ZNF429: variants seen among roughly 807,000 people sequenced by gnomAD.
ZNF429 encodes zinc finger protein 429.
ZNF429 carries 53 observed loss-of-function variants against 56.8 expected under a neutral mutation model. That is an observed-to-expected ratio of 0.93 (90% confidence interval 0.75 to 1.17). The LOEUF is 1.17. Among genes scored for constraint, ZNF429 ranks in the 50% most tolerant of loss-of-function variants. The probability of loss-of-function intolerance (pLI) is 0.00; values close to 1 mark genes in which losing one functional copy is unlikely to be tolerated. For synonymous variants in ZNF429, 278 were observed against 264.7 expected, an observed-to-expected ratio of 1.05 and a Z score of -0.49; for missense variants, 849 against 788.4, an observed-to-expected ratio of 1.08 and a Z score of -0.92.
intron 3 of ZNF429, among the ~76,000 whole-genome samples, chr19:21,535,360 T>TTC: frequency 6.0e-5 from 4 of 66,260 alleles, no homozygotes; most frequent in South Asian, 7.4e-4. Flanking sequence ...TTTCTTTTCT[T>TTC]CTTTCTTTCT....
intron 3 of ZNF429, among the ~76,000 whole-genome samples, chr19:21,532,384 G>A: frequency 6.6e-6 from 1 of 151,872 alleles, no homozygotes; most frequent in South Asian, 2.1e-4. Context: ...CAACACTATA[G>A]TAATACAAAC....
intron 1 of ZNF429, among the ~76,000 whole-genome samples, chr19:21,508,772 A>T (rs2032311630): frequency 6.6e-6 from 1 of 152,046 alleles, no homozygotes; most frequent in Non-Finnish European, 1.5e-5. Context: ...ACCAAGGAAA[A>T]GAATAGGGAA....
At chr19:21,524,519 C>T (rs2033096831) in intron 1 of ZNF429, among the ~76,000 whole-genome samples, 2 of 151,150 alleles carry the variant, frequency 1.3e-5, no homozygotes, top group Non-Finnish European at 2.9e-5. Context: ...CAGAGCGAGA[C>T]TCCATCTCAA....
At chr19:21,526,789 C>G (rs1267550848) in intron 1 of ZNF429, among the ~76,000 whole-genome samples, 1 of 152,196 alleles carries the variant, frequency 6.6e-6, no homozygotes, top group Non-Finnish European at 1.5e-5. Flanking sequence ...GGGGGTGTCT[C>G]TCAGGTCCTG....
Position 21,537,185 on chromosome 19 carries a change from T to C in ZNF429, c.1132T>C (p.Phe378Leu), listed in dbSNP as rs1185172605. Reference sequence around the variant, plus strand: ...CAAATGTGAAGAATGTGGCAAAGCTTTTAACCAGTCTTCAAGACTTACTCG... The same window carrying C: ...CAAATGTGAAGAATGTGGCAAAGCTCTTAACCAGTCTTCAAGACTTACTCG... ...PYKCEECGKA[F>L]NQSSRLTRHK... is the part of the protein sequence containing the mutation. The change falls in exon 4 of 4, where the codon TTT becomes CTT. Residue 378 changes from phenylalanine (F) to leucine (L), a missense_variant. Transcript: ENST00000358491. The C allele has an allele frequency of 3.7e-6, 6 of 1,613,724 alleles. No homozygotes were observed. The African/African-American group carries it at 5.3e-5, about 14-fold the overall frequency.
chr19:21,520,114 C>A (rs1227296367), intron 1 of ZNF429, among the ~76,000 whole-genome samples: 1 of 152,198 alleles, frequency 6.6e-6, no homozygotes, highest in Non-Finnish European at 1.5e-5. Context: ...CTGCCTCAGC[C>A]TCCCAAAGTG....
Position 21,537,376 on chromosome 19 carries a change from T to C in ZNF429, c.1323T>C (p.Thr441=), listed in dbSNP as rs2033739267. The C allele has an allele frequency of 1.9e-6, 3 of 1,613,442 alleles. No homozygotes were observed. Among genetic ancestry groups the C allele is most frequent in the Non-Finnish European group, 1.7e-6 (2 of 1,179,806 alleles). ...TTTTTACCTATTCCTCTACACTTAC[T>C]AGACATAAGAGAATTCATACTGAAG... ...GKVFTYSSTL[T]RHKRIHTEEK... The change falls in exon 4 of 4, where the codon ACT becomes ACC. Residue 441 remains threonine, a synonymous_variant. Coordinates refer to ENST00000358491, the MANE Select transcript of ZNF429 (RefSeq NM_001001415.4).
In ZNF429 at chr19:21,536,731, G is replaced by A. The variant is rs202036179; in HGVS notation, c.678G>A (p.Glu226=). 125 of 1,614,004 alleles carry A rather than the reference G, an allele frequency of 7.7e-5. No homozygotes were observed. In the African/African-American group the frequency reaches 1.4e-3, roughly 18 times the overall value. ...ACCATAAGAGAATTTATGTTGGTGA[G>A]AAACACTACAGATGTGAAGAATGTG... The part of the protein sequence containing the change: ...LTNHKRIYVG[E]KHYRCEECGK... The change falls in exon 4 of 4, where the codon GAG becomes GAA. Residue 226 remains glutamate (E), a synonymous_variant. Transcript: ENST00000358491.
intron 1 of ZNF429, among the ~76,000 whole-genome samples, chr19:21,518,284 T>A (rs923864789): frequency 6.6e-6 from 1 of 152,224 alleles, no homozygotes; most frequent in Non-Finnish European, 1.5e-5. Flanking sequence ...GCTTCTCTTA[T>A]ACTTTTATTT....
At chr19:21,525,872 ATT>A in intron 1 of ZNF429, among the ~76,000 whole-genome samples, 1 of 152,284 alleles carries the variant, frequency 6.6e-6, no homozygotes, top group Non-Finnish European at 1.5e-5. Context: ...AAACAGAAAA[ATT>A]AAAATTCTGG....
At chr19:21,506,231 G>A (rs957450810) in intron 1 of ZNF429, among the ~76,000 whole-genome samples, 2 of 152,144 alleles carry the variant, frequency 1.3e-5, no homozygotes, top group Non-Finnish European at 2.9e-5. Flanking sequence ...CTGGGAGGCG[G>A]GCAGATCACT....
At chr19:21,516,150 C>T (rs906737573) in intron 1 of ZNF429, among the ~76,000 whole-genome samples, 2 of 152,012 alleles carry the variant, frequency 1.3e-5, no homozygotes, top group East Asian at 1.9e-4. Flanking sequence ...CTCACTGCAA[C>T]CTCTGCCTCC....
Position 21,538,233 on chromosome 19 carries a change from A to C in ZNF429, c.*155A>C, listed in dbSNP as rs1223073022. On this transcript the variant is annotated 3_prime_UTR_variant, in exon 4 of 4. Transcript: ENST00000358491. ...GTGGAGCTTGCATTGAGCCAAGATC[A>C]CACCACTGCACTCCAGCCTGGGTGA... 7.6e-6 allele frequency among the ~76,000 whole-genome samples: 1 copy of C among 131,866 alleles called. No individual in the cohort carries two copies. Among genetic ancestry groups the C allele is most frequent in the Non-Finnish European group, 1.6e-5 (1 of 64,510 alleles). The allele number at this position is 131,866 out of a possible 152,430, so 86.5% of individuals were successfully genotyped here. A position where few individuals can be genotyped will look rare whatever the true frequency, so the allele number is the denominator to read the frequency against.
rs1198414528 is a variant in ZNF429, at chr19:21,537,239, C to A, written c.1186C>A (p.Pro396Thr). The A allele has an allele frequency of 6.2e-7, 1 of 1,613,716 alleles. No individual in the cohort carries two copies. Among genetic ancestry groups the A allele is most frequent in the Non-Finnish European group, 8.5e-7 (1 of 1,179,894 alleles). ...TAAAAAAATTCATACTGGAGAGGAA[C>A]CCTACAAATTTGAAAAATGTGGCAG... ...RHKKIHTGEE[P>T]YKFEKCGRVF... Residue 396 changes from proline (P) to threonine (T), a missense_variant, in exon 4 of 4, where the codon CCC becomes ACC. Coordinates refer to ENST00000358491, the MANE Select transcript of ZNF429 (RefSeq NM_001001415.4).
At chr19:21,528,630 A>G (rs2033255378) in intron 1 of ZNF429, among the ~76,000 whole-genome samples, 1 of 151,994 alleles carries the variant, frequency 6.6e-6, no homozygotes, top group Non-Finnish European at 1.5e-5. Flanking sequence ...GCTTGAACCC[A>G]GGAGGTGGAG....
At chr19:21,530,107 C>A in intron 2 of ZNF429, among the ~76,000 whole-genome samples, 2 of 150,844 alleles carry the variant, frequency 1.3e-5, no homozygotes, top group East Asian at 3.9e-4. Flanking sequence ...AGGAGAATGG[C>A]GTGAACCCGG....
chr19:21,505,629 T>A lies in ZNF429; in HGVS notation c.-143T>A. 1.3e-6 allele frequency: 1 copy of A among 757,450 alleles called. No individual in the cohort carries two copies. The highest frequency in any genetic ancestry group is 1.9e-5 in the South Asian group (1 of 52,514). 46.9% of individuals were successfully genotyped at this position (757,450 alleles called of 1,614,324 possible). ...GGTTTCCGGAATATGGCGGGGCGTT[T>A]GGCTCTTGCTGCAGCCAGAGCTCCA... is the stretch of plus-strand genomic sequence containing the variant. On this transcript the variant is annotated 5_prime_UTR_variant, in exon 1 of 4. It introduces an in-frame stop codon into an upstream open reading frame of the 5' UTR. Coordinates refer to ENST00000358491, the MANE Select transcript of ZNF429 (RefSeq NM_001001415.4).
chr19:21,536,170 G>T, intron 3 of ZNF429, 110 bp from the exon 4 acceptor site: 1 of 1,096,322 alleles, frequency 9.1e-7, no homozygotes, highest in Non-Finnish European at 1.3e-6. Flanking sequence ...CTGGTATTTT[G>T]CTATGCTGTG....
intron 1 of ZNF429, among the ~76,000 whole-genome samples, chr19:21,512,662 CAAAAAAA>C (rs35584125): frequency 1.2e-5 from 1 of 81,376 alleles, no homozygotes; most frequent in Non-Finnish European, 2.3e-5. Flanking sequence ...GACTCCATCT[CAAAAAAA>C]AAAAAAAAAA....
Sources: allele counts gnomAD v4.1 joint callset (sites outside exome capture counted in the v4.1 genomes callset), GRCh38; gene constraint gnomAD v4.1.1; transcripts MANE v1.5; gene names NCBI Gene and HGNC (gene_info 2026-07-23, HGNC 2026-07-21).